Variants in ZBTB49 observed in about 807,000 individuals in gnomAD.
The protein encoded by ZBTB49 is zinc finger and BTB domain-containing protein 49.
Under a neutral mutation model 57.5 loss-of-function variants are expected in ZBTB49, and 43 were observed. The ratio of observed to expected loss-of-function variants is 0.75; its 90% CI spans 0.59 to 0.97. The LOEUF (loss-of-function observed/expected upper bound fraction) is 0.97. ZBTB49 is among the 50% of genes least tolerant of loss of function. The probability of loss-of-function intolerance (pLI) is 0.00; values close to 1 mark genes in which losing one functional copy is unlikely to be tolerated. For missense variants in ZBTB49, 938 were observed against 947.7 expected (o/e 0.99, Z 0.13); for synonymous variants, 369 against 362.1 (o/e 1.02, Z -0.22).
chr4:4,317,272 T>A (rs554110217), intron 7 of ZBTB49, among the ~76,000 whole-genome samples: 7 of 152,078 alleles, frequency 4.6e-5, no homozygotes, highest in Non-Finnish European at 8.8e-5. Flanking sequence ...TTCTGGGGGA[T>A]GGGGGAGCGC....
intron 4 of ZBTB49, among the ~76,000 whole-genome samples, chr4:4,308,325 G>C (rs2980175): frequency 0.82 from 125,323 of 152,158 alleles, 51,669 homozygotes; most frequent in Admixed American, 0.84. Context: ...GATCCACCAG[G>C]CTCAGCCTCC....
intron 3 of ZBTB49, among the ~76,000 whole-genome samples, chr4:4,305,869 T>C (rs1003757254): frequency 1.3e-5 from 2 of 152,248 alleles, no homozygotes; most frequent in African/African-American, 4.8e-5. Context: ...AACGTGGGTC[T>C]GCTCTGGATG....
chr4:4,298,313 T>G (rs1430373356), intron 1 of ZBTB49, among the ~76,000 whole-genome samples: 1 of 152,152 alleles, frequency 6.6e-6, no homozygotes, highest in South Asian at 2.1e-4. Flanking sequence ...AGGGGTGTGT[T>G]GAAAAGCTTA....
intron 1 of ZBTB49, among the ~76,000 whole-genome samples, chr4:4,296,518 AC>A (rs1315625814): frequency 6.6e-6 from 1 of 152,200 alleles, no homozygotes; most frequent in African/African-American, 2.4e-5. Context: ...GTAGGACATG[AC>A]TTGCTCCTCC....
At chr4:4,291,545 A>G (rs1478940554) in intron 1 of ZBTB49, among the ~76,000 whole-genome samples, 1 of 152,234 alleles carries the variant, frequency 6.6e-6, no homozygotes, top group Non-Finnish European at 1.5e-5. Context: ...AAGGAGGGAA[A>G]TACTTTCCAA....
Position 4,302,423 on chromosome 4 carries a change from A to G in ZBTB49, c.587A>G (p.Asp196Gly), listed in dbSNP as rs1720526326. The change falls in exon 3 of 8, where the codon GAT becomes GGT. Residue 196 changes from aspartate to glycine, a missense_variant. Asp to Gly is a moderately conservative substitution (Grantham distance 94, BLOSUM62 -1). Transcript: ENST00000337872. Reference protein sequence around the residue: ...SAGEISKQAPDTSDGSCTELP... With the variant: ...SAGEISKQAPGTSDGSCTELP... ...GGTGAAATCTCAAAACAAGCTCCTGATACTTCAGATGGCAGCTGCACAGAA... is the reference window on the plus strand; with the variant it reads ...GGTGAAATCTCAAAACAAGCTCCTGGTACTTCAGATGGCAGCTGCACAGAA... 6.2e-7 allele frequency: 1 copy of G among 1,614,230 alleles called. No individual in the cohort carries two copies. Among genetic ancestry groups the G allele is most frequent in the African/African-American group, 1.3e-5 (1 of 75,064 alleles).
chr4:4,295,278 A>G lies in ZBTB49; in HGVS notation c.-19-4649A>G, dbSNP rs553068316. 3.3e-3 allele frequency among the ~76,000 whole-genome samples: 505 copies of G among 152,322 alleles called. 4 individuals are homozygous for G. The highest frequency in any genetic ancestry group is 0.012 in the African/African-American group (482 of 41,574). ...GAAGGGGAAGCAAGGCACATCTTAC[A>G]TGGCAGCAGGGGAGAGAGAACCGGG... is the stretch of plus-strand genomic sequence containing the variant. On this transcript the variant is annotated intron_variant, in intron 1 of 7. Coordinates refer to ENST00000337872, the MANE Select transcript of ZBTB49 (RefSeq NM_145291.4).
chr4:4,310,709 C>T (rs567481829), intron 4 of ZBTB49, among the ~76,000 whole-genome samples: 112 of 148,560 alleles, frequency 7.5e-4, no homozygotes, highest in Non-Finnish European at 1.4e-3. Context: ...TTAGTAGAGA[C>T]GGGGTTTCAC....
At chr4:4,295,078 G>A (rs2980163) in intron 1 of ZBTB49, among the ~76,000 whole-genome samples, 38,037 of 151,940 alleles carry the variant, frequency 0.25, 5,274 homozygotes, top group Admixed American at 0.32. Context: ...GTGAATGGTG[G>A]TAATTGGGTT....
rs1266806681 is a variant in ZBTB49 at position 4,302,013 on chromosome 4, C to T, written c.177C>T (p.Ser59=). 11 of 1,571,352 alleles carry T rather than the reference C, an allele frequency of 7.0e-6. No individual in the cohort carries two copies. Among genetic ancestry groups the T allele is most frequent in the Non-Finnish European group, 9.5e-6 (11 of 1,156,210 alleles). Reference sequence around the variant, plus strand: ...GGAGCCTCTTTCAGAATTCTTCAAGCCAGAAGAATGATGTTTTTCACTTGG... The same window carrying T: ...GGAGCCTCTTTCAGAATTCTTCAAGTCAGAAGAATGATGTTTTTCACTTGG... ...YFRSLFQNSS[S]QKNDVFHLDV... The change falls in exon 3 of 8, where the codon AGC becomes AGT. Residue 59 remains serine, a synonymous_variant. Transcript: ENST00000337872.
Position 4,315,822 on chromosome 4 carries a change from C to T in ZBTB49, c.1473C>T (p.Phe491=), listed in dbSNP as rs1721172674. 6.2e-7 allele frequency: 1 copy of T among 1,614,154 alleles called. No individual in the cohort carries two copies. The change falls in exon 7 of 8, where the codon TTC becomes TTT. Residue 491 remains phenylalanine (F), a synonymous_variant. Coordinates refer to ENST00000337872, the MANE Select transcript of ZBTB49 (RefSeq NM_145291.4). The stretch of plus-strand genomic sequence containing the variant: ...TGGTCTCTCTAGGGTTTAGTAACTT[C>T]AGTAATTTGAAGGAGCACAAAAAGA... The part of the protein sequence containing the change: ...CDICGRGFSN[F]SNLKEHKKTH...
chr4:4,301,465 A>G (rs553692499), intron 2 of ZBTB49, among the ~76,000 whole-genome samples: 1 of 152,134 alleles, frequency 6.6e-6, no homozygotes, highest in Admixed American at 6.5e-5. Flanking sequence ...TTTTTTTTTA[A>G]GTTTTCTAGG....
intron 1 of ZBTB49, among the ~76,000 whole-genome samples, chr4:4,291,696 C>A (rs554393525): frequency 2.5e-4 from 38 of 152,278 alleles, no homozygotes; most frequent in African/African-American, 8.9e-4. Flanking sequence ...GTTTGTTTGT[C>A]CTCCTGAATA....
intron 3 of ZBTB49, among the ~76,000 whole-genome samples, chr4:4,305,290 A>C (rs1222675104): frequency 6.6e-6 from 1 of 152,206 alleles, no homozygotes; most frequent in Non-Finnish European, 1.5e-5. Context: ...AGCAAGCCCC[A>C]ACGATATAGT....
At chr4:4,312,602 G>T (rs1311407945) in intron 4 of ZBTB49, among the ~76,000 whole-genome samples, 6 of 152,214 alleles carry the variant, frequency 3.9e-5, no homozygotes, top group Non-Finnish European at 8.8e-5. Context: ...ATGAACAGAA[G>T]TATGTTTTTT....
chr4:4,291,654 C>T (rs1156263051), intron 1 of ZBTB49, among the ~76,000 whole-genome samples: 2 of 152,188 alleles, frequency 1.3e-5, no homozygotes, highest in Non-Finnish European at 2.9e-5. Context: ...TTTGTGCTCT[C>T]GTACTGTTTT....
Position 4,318,474 on chromosome 4 carries a change from G to T in ZBTB49, c.1622-2166G>T, listed in dbSNP as rs924359936. Among the ~76,000 whole-genome samples, 9 of 152,062 alleles carry T rather than the reference G, an allele frequency of 5.9e-5. 1 individual carries two copies. The highest frequency in any genetic ancestry group is 5.9e-4 in the Admixed American group (9 of 15,264). The stretch of plus-strand genomic sequence containing the variant: ...CTACTAAAAATACCAAAATTAGCTG[G>T]GCATGGTGGTGTGTTCCAGCTACTC... On this transcript the variant is annotated intron_variant, in intron 7 of 7. Transcript: ENST00000337872.
At chr4:4,299,104 C>T (rs919210249) in intron 1 of ZBTB49, among the ~76,000 whole-genome samples, 6 of 152,180 alleles carry the variant, frequency 3.9e-5, no homozygotes, top group African/African-American at 7.2e-5. Flanking sequence ...TAACAAGTCC[C>T]GCAGGCCTGG....
Position 4,302,525 on chromosome 4 carries a change from G to A in ZBTB49, c.689G>A (p.Gly230Asp). ...AAGCAGTACCATAAACACGCAGCTG[G>A]TCCCAGTCAGGAGAGAGTTGTTGAG... ...YSKQYHKHAA[G>D]PSQERVVEQP... Residue 230 changes from glycine (G) to aspartate (D), a missense_variant, in exon 3 of 8, where the codon GGT becomes GAT. Gly to Asp is a moderately conservative substitution (Grantham distance 94). Around this residue, in one of 3 missense-constraint regions of ZBTB49, gnomAD observed 835 missense variants for 819.1 expected, o/e 1.02. Transcript: ENST00000337872. The A allele has an allele frequency of 6.2e-7, 1 of 1,614,002 alleles. No individual in the cohort carries two copies. Among genetic ancestry groups the A allele is most frequent in the Non-Finnish European group, 8.5e-7 (1 of 1,179,942 alleles).
Sources: allele counts gnomAD v4.1 joint callset (sites outside exome capture counted in the v4.1 genomes callset), GRCh38; gene constraint gnomAD v4.1.1; regional missense constraint gnomAD v4.1.1; transcripts MANE v1.5; gene names NCBI Gene and HGNC (gene_info 2026-07-23, HGNC 2026-07-21).